ARHGAP44: variants seen among roughly 807,000 people sequenced by gnomAD.
ARHGAP44 encodes rho GTPase-activating protein 44.
In ARHGAP44, 43 loss-of-function variants were observed where a neutral mutation model predicts 106.8. The observed-to-expected ratio is 0.40, with a 90% CI of 0.32 to 0.52. The LOEUF (loss-of-function observed/expected upper bound fraction) is 0.52. Ranked by LOEUF, ARHGAP44 falls within the 20% of genes least tolerant of loss-of-function variation. The probability of loss-of-function intolerance (pLI) is 0.48; values close to 1 mark genes in which losing one functional copy is unlikely to be tolerated. For synonymous variants in ARHGAP44, 439 were observed against 410.3 expected, an observed-to-expected ratio of 1.07 and a Z score of -0.85; for missense variants, 866 against 1,050.5, an observed-to-expected ratio of 0.82 and a Z score of 2.43.
chr17:12,892,619 A>T (rs1486515164), intron 1 of ARHGAP44, among the ~76,000 whole-genome samples: 1 of 151,898 alleles, frequency 6.6e-6, no homozygotes, highest in Admixed American at 6.6e-5. Flanking sequence ...TGATGACATA[A>T]AATATTTGAT....
At chr17:12,965,141 C>T (rs1035770638) in intron 16 of ARHGAP44, among the ~76,000 whole-genome samples, 5 of 152,236 alleles carry the variant, frequency 3.3e-5, no homozygotes, top group African/African-American at 1.2e-4. Flanking sequence ...AGCTGCCCCA[C>T]AGACCCCATC....
chr17:12,867,933 A>G (rs1191812016), intron 1 of ARHGAP44, among the ~76,000 whole-genome samples: 3 of 152,168 alleles, frequency 2.0e-5, no homozygotes, highest in African/African-American at 7.2e-5. Context: ...TCTATTCTAC[A>G]GCTCCATGAT....
chr17:12,850,796 T>G (rs1042089901), intron 1 of ARHGAP44, among the ~76,000 whole-genome samples: 1 of 152,164 alleles, frequency 6.6e-6, no homozygotes, highest in Non-Finnish European at 1.5e-5. Flanking sequence ...CTCTAGGGCC[T>G]AGGTCAGTTC....
rs142815519 is a variant in ARHGAP44 at position 12,790,203 on chromosome 17, C to T, written c.53+312C>T. 440 of 366,780 alleles carry T rather than the reference C, an allele frequency of 1.2e-3. 7 individuals are homozygous for T. The East Asian group carries it at 0.013, about 11-fold the overall frequency. The allele number at this position is 366,780 out of a possible 1,614,324, so 22.7% of individuals were successfully genotyped here. ...TGCCTTTCCCCGGGACTCCCTTCTC[C>T]CTCTGGCCGCCTGTCTTCCTGGAAA... On this transcript the variant is annotated intron_variant, in intron 1 of 20. Transcript: ENST00000379672.
intron 1 of ARHGAP44, among the ~76,000 whole-genome samples, chr17:12,854,499 G>T (rs1274650164): frequency 6.6e-6 from 1 of 152,148 alleles, no homozygotes; most frequent in African/African-American, 2.4e-5. Context: ...ATGTCCACTG[G>T]AGAAGATAAA....
intron 16 of ARHGAP44, among the ~76,000 whole-genome samples, chr17:12,968,746 CT>C (rs1019710721): frequency 2.5e-3 from 373 of 150,114 alleles, no homozygotes; most frequent in African/African-American, 8.3e-3. Context: ...TGTTCTATTT[CT>C]TTTTCTTTTT....
rs760376865 is a variant in ARHGAP44 at position 12,941,088 on chromosome 17, G to A, written c.615G>A (p.Val205=). Residue 205 remains valine (V), a synonymous_variant, in exon 8 of 21, where the codon GTG becomes GTA. Coordinates refer to ENST00000379672, the MANE Select transcript of ARHGAP44 (RefSeq NM_014859.6). ...DQLSADMYSF[V]AKEIDYANYF... is the part of the protein sequence containing the mutation. ...TCTCAGCTGATATGTACAGTTTTGT[G>A]GCCAAAGAAATTGACTATGCAAACT... The A allele has an allele frequency of 3.7e-5, 59 of 1,613,850 alleles. No homozygotes were observed. Among genetic ancestry groups the A allele is most frequent in the Admixed American group, 5.0e-5 (3 of 59,996 alleles).
chr17:12,874,443 A>G (rs1285567477), intron 1 of ARHGAP44, among the ~76,000 whole-genome samples: 1 of 152,144 alleles, frequency 6.6e-6, no homozygotes, highest in Non-Finnish European at 1.5e-5. Flanking sequence ...CATTAAAAGC[A>G]GTTGTGCCCA....
At chr17:12,896,580 C>T in intron 3 of ARHGAP44, 69 bp downstream of exon 3, 1 of 1,343,558 alleles carries the variant, frequency 7.4e-7, no homozygotes, top group South Asian at 1.3e-5. Context: ...ACTCCTGTGA[C>T]ACTCCTGGAT....
intron 7 of ARHGAP44, among the ~76,000 whole-genome samples, chr17:12,935,943 T>C (rs2038535129): frequency 6.6e-6 from 1 of 152,158 alleles, no homozygotes; most frequent in African/African-American, 2.4e-5. Context: ...GCGTCAAAGA[T>C]CTCAATCTCA....
At chr17:12,865,731 A>G (rs1232295962) in intron 1 of ARHGAP44, among the ~76,000 whole-genome samples, 7 of 150,350 alleles carry the variant, frequency 4.7e-5, no homozygotes, top group Non-Finnish European at 7.4e-5. Flanking sequence ...GGAGCTTGCA[A>G]TGAGCCGAGA....
intron 12 of ARHGAP44, among the ~76,000 whole-genome samples, chr17:12,950,921 C>T (rs2143090678): frequency 6.6e-6 from 1 of 152,254 alleles, no homozygotes; most frequent in South Asian, 2.1e-4. Context: ...AAATATGTGT[C>T]TGATGCTGCT....
rs1424255704 is a variant in ARHGAP44 at position 12,941,038 on chromosome 17, A to G, written c.583-18A>G. ...TTGGTTTATGTTTTACCTTGGTTGT[A>G]TATTTTACCTTGCACAGGACCAGCT... is the stretch of plus-strand genomic sequence containing the variant. On this transcript the variant is annotated intron_variant, in intron 7 of 20. Coordinates refer to ENST00000379672, the MANE Select transcript of ARHGAP44 (RefSeq NM_014859.6). The G allele has an allele frequency of 2.5e-6, 4 of 1,613,238 alleles. No individual in the cohort carries two copies. Among genetic ancestry groups the G allele is most frequent in the Non-Finnish European group, 3.4e-6 (4 of 1,179,366 alleles).
intron 1 of ARHGAP44, among the ~76,000 whole-genome samples, chr17:12,877,911 G>T (rs1321517713): frequency 6.6e-6 from 1 of 152,174 alleles, no homozygotes; most frequent in African/African-American, 2.4e-5. Context: ...CCACATAAAT[G>T]TCTTTTTGGA....
At chr17:12,793,920 G>A (rs577647750) in intron 1 of ARHGAP44, among the ~76,000 whole-genome samples, 48 of 152,238 alleles carry the variant, frequency 3.2e-4, no homozygotes, top group Non-Finnish European at 5.4e-4. Context: ...AGATCCATGC[G>A]CTATAGATAG....
intron 3 of ARHGAP44, among the ~76,000 whole-genome samples, chr17:12,900,349 T>C (rs2037338731): frequency 6.6e-6 from 1 of 151,950 alleles, no homozygotes; most frequent in Non-Finnish European, 1.5e-5. Context: ...AGGCTGGTCT[T>C]GAACTCCTGA....
intron 2 of ARHGAP44, among the ~76,000 whole-genome samples, chr17:12,895,290 T>C (rs965969783): frequency 6.6e-6 from 1 of 152,180 alleles, no homozygotes; most frequent in East Asian, 1.9e-4. Flanking sequence ...TGATGAATAC[T>C]GATTTGGGTT....
intron 2 of ARHGAP44, among the ~76,000 whole-genome samples, chr17:12,896,135 G>A (rs1046110271): frequency 3.3e-5 from 5 of 150,272 alleles, no homozygotes; most frequent in Non-Finnish European, 7.4e-5. Context: ...GGGAGGGATA[G>A]CATTAGGAGA....
intron 1 of ARHGAP44, among the ~76,000 whole-genome samples, chr17:12,851,767 G>A (rs1018061920): frequency 1.3e-5 from 2 of 152,020 alleles, no homozygotes; most frequent in African/African-American, 4.8e-5. Context: ...GAAGGAAGAG[G>A]CTGTGTCTCC....
Sources: allele counts gnomAD v4.1 joint callset (sites outside exome capture counted in the v4.1 genomes callset), GRCh38; gene constraint gnomAD v4.1.1; transcripts MANE v1.5; gene names NCBI Gene and HGNC (gene_info 2026-07-23, HGNC 2026-07-21).